RBBP7: variants seen among roughly 807,000 people sequenced by gnomAD.
RBBP7 encodes RB binding protein 7, chromatin remodeling factor.
In RBBP7, 5 loss-of-function variants were observed where a neutral mutation model predicts 35.2. The ratio of observed to expected loss-of-function variants is 0.14; its 90% CI spans 0.07 to 0.30. The LOEUF (loss-of-function observed/expected upper bound fraction) is 0.30. Ranked by LOEUF, RBBP7 falls within the 10% of genes least tolerant of loss-of-function variation. The probability of loss-of-function intolerance (pLI) is 1.00; values close to 1 mark genes in which losing one functional copy is unlikely to be tolerated. For synonymous variants in RBBP7, 140 were observed against 118.7 expected, an observed-to-expected ratio of 1.18 and a Z score of -1.17; for missense variants, 155 against 327.5, an observed-to-expected ratio of 0.47 and a Z score of 4.07.
chrX:16,859,220 T>A (rs1356417535), intron 3 of RBBP7, among the ~76,000 whole-genome samples: 1 of 112,630 alleles, frequency 8.9e-6, no homozygotes, highest in Non-Finnish European at 1.9e-5. Context: ...CTGTAAGTAC[T>A]GCACTGAATT....
intron 6 of RBBP7, 137 bp from the exon 7 acceptor site, chrX:16,853,012 A>G: frequency 9.9e-7 from 1 of 1,007,684 alleles, no homozygotes; most frequent in Non-Finnish European, 1.4e-6. Context: ...ACAGCTGGTG[A>G]TTCAGACCTC....
rs777070401 is a variant in RBBP7, at chrX:16,849,382, A to T, written c.1041-81T>A. 2.8e-5 allele frequency: 24 copies of T among 863,933 alleles called. No homozygotes were observed. The African/African-American group carries it at 4.0e-4, about 15-fold the overall frequency. 71.2% of individuals were successfully genotyped at this position (863,933 alleles called of 1,213,427 possible). ...TCTGCTAAACCAGTATCAGCCCAGAAAGTAATCTTAAAACATAAACACACT... is the reference window on the plus strand; with the variant it reads ...TCTGCTAAACCAGTATCAGCCCAGATAGTAATCTTAAAACATAAACACACT... On this transcript the variant is annotated intron_variant, in intron 9 of 11. Transcript: ENST00000380087.
chrX:16,861,333 T>C (rs761157037), intron 3 of RBBP7, among the ~76,000 whole-genome samples: 5 of 111,972 alleles, frequency 4.5e-5, no homozygotes, highest in East Asian at 5.6e-4. Flanking sequence ...CCATACAACC[T>C]AGCAGTTTCA....
At chrX:16,856,858 A>G (rs1930366222) in intron 5 of RBBP7, among the ~76,000 whole-genome samples, 2 of 112,147 alleles carry the variant, frequency 1.8e-5, no homozygotes, top group South Asian at 7.3e-4. Flanking sequence ...ACTTGTAAAC[A>G]AATGCTTGTA....
rs1434939714 is a variant in RBBP7, at chrX:16,860,024, C to CACAT, written c.308-1179_308-1176dup. 3.6e-5 allele frequency among the ~76,000 whole-genome samples: 4 copies of CACAT among 110,774 alleles called. No individual in the cohort carries two copies. The East Asian group carries it at 1.1e-3, about 31-fold the overall frequency. On this transcript the variant is annotated intron_variant, in intron 3 of 11. Transcript: ENST00000380087. ...CCTCTACCCACTACTCTCATGTGAC[C>CACAT]ACATGCAAAAGGATCCTTTTTCCTC...
chrX:16,858,556 C>A (rs1930401252), intron 4 of RBBP7, 120 bp downstream of exon 4: 1 of 1,045,207 alleles, frequency 9.6e-7, no homozygotes, highest in Non-Finnish European at 1.3e-6. Context: ...GGTTATGGGA[C>A]CCCCAAAGCA....
chrX:16,860,911 T>C (rs982291157), intron 3 of RBBP7, among the ~76,000 whole-genome samples: 9 of 111,845 alleles, frequency 8.0e-5, no homozygotes, highest in South Asian at 3.7e-4. Flanking sequence ...TGGTGGCTCA[T>C]GCCTGTAATT....
At chrX:16,846,992 G>A (rs1281833044) in intron 10 of RBBP7, 1 of 111,000 alleles carries the variant, frequency 9.0e-6, no homozygotes, top group African/African-American at 3.3e-5. Context: ...AGCCGGGCGT[G>A]GTGGGGTGTG....
intron 10 of RBBP7, chrX:16,847,873 A>C (rs1215894856): frequency 9.0e-6 from 1 of 111,066 alleles, no homozygotes; most frequent in African/African-American, 3.3e-5. Flanking sequence ...GGCCCAGTTT[A>C]CTACTCTCAA....
chrX:16,853,020 C>T, intron 6 of RBBP7, 145 bp from the exon 7 acceptor site: 1 of 957,084 alleles, frequency 1.0e-6, no homozygotes. Context: ...TGATTCAGAC[C>T]TCGACCACTA....
At chrX:16,867,705 C>T (rs887059491) in intron 2 of RBBP7, among the ~76,000 whole-genome samples, 3 of 111,362 alleles carry the variant, frequency 2.7e-5, no homozygotes, top group Admixed American at 1.9e-4. Flanking sequence ...GATGGAGTCT[C>T]GCTCTCGCCC....
At chrX:16,868,266 A>C (rs893241740) in intron 2 of RBBP7, among the ~76,000 whole-genome samples, 1 of 111,836 alleles carries the variant, frequency 8.9e-6, no homozygotes, top group African/African-American at 3.3e-5. Context: ...AATACACTTT[A>C]AAAGTACATG....
intron 1 of RBBP7, chrX:16,869,598 T>C: frequency 8.6e-7 from 1 of 1,163,712 alleles, no homozygotes; most frequent in Non-Finnish European, 1.1e-6. Flanking sequence ...CCAATCCCCA[T>C]CAGGGGAGGC....
At chrX:16,854,346 C>G (rs1476307024) in intron 5 of RBBP7, among the ~76,000 whole-genome samples, 1 of 110,933 alleles carries the variant, frequency 9.0e-6, no homozygotes, top group African/African-American at 3.3e-5. Context: ...AAAGGACACT[C>G]CACTGTAATG....
rs766301239 is a variant in RBBP7, at chrX:16,856,611, A to C, written c.597+983T>G. 5.0e-4 allele frequency among the ~76,000 whole-genome samples: 56 copies of C among 111,455 alleles called. No individual in the cohort carries two copies. In the East Asian group the frequency reaches 9.3e-3, roughly 19 times the overall value. ...CCAAGCCAAAAACAAACAAAAAAAA[A>C]CCCAGGAAATACCACTTTATGCACA... On this transcript the variant is annotated intron_variant, in intron 5 of 11. Coordinates refer to ENST00000380087, the MANE Select transcript of RBBP7 (RefSeq NM_002893.4).
intron 2 of RBBP7, among the ~76,000 whole-genome samples, chrX:16,865,886 G>C (rs1440418690): frequency 1.8e-5 from 2 of 112,371 alleles, no homozygotes; most frequent in African/African-American, 6.5e-5. Context: ...CTCTTGAAAA[G>C]AACAAGCATA....
At chrX:16,857,993 A>G (rs1930387973) in intron 4 of RBBP7, among the ~76,000 whole-genome samples, 1 of 111,575 alleles carries the variant, frequency 9.0e-6, no homozygotes, top group Non-Finnish European at 1.9e-5. Context: ...AAATATTTCT[A>G]ACACAACAGG....
chrX:16,864,028 T>G (rs1472494182), intron 2 of RBBP7, among the ~76,000 whole-genome samples: 1 of 100,361 alleles, frequency 1.0e-5, no homozygotes, highest in East Asian at 2.9e-4. Context: ...AGGATTCAAT[T>G]TTTTTTTTTT....
chrX:16,849,450 T>A, intron 9 of RBBP7, 149 bp from the exon 10 acceptor site: 1 of 490,432 alleles, frequency 2.0e-6, no homozygotes, highest in Non-Finnish European at 3.3e-6. Context: ...ATTAGGTTTT[T>A]TTTTTCCTTA....
Sources: gnomAD v4.1 joint callset for allele counts (sites outside exome capture counted in the v4.1 genomes callset) on GRCh38, gnomAD v4.1.1 for gene constraint, MANE v1.5 for transcripts, NCBI Gene and HGNC (gene_info 2026-07-23, HGNC 2026-07-21) for gene names.